The following RHBDD1 variants were observed in gnomAD, a reference collection of about 807,000 sequenced individuals.
The protein encoded by RHBDD1 is rhomboid-related protein 4.
A neutral mutation model predicts 36.3 loss-of-function variants in RHBDD1; 38 were observed. The ratio of observed to expected loss-of-function variants is 1.05; its 90% confidence interval spans 0.81 to 1.37. RHBDD1 has a LOEUF of 1.37. Among genes scored for constraint, RHBDD1 ranks in the 40% most tolerant of loss-of-function variants. RHBDD1 has a pLI of 0.00. For missense variants in RHBDD1, 393 were observed against 377.6 expected (o/e 1.04, Z -0.34); for synonymous variants, 151 against 136.5 (o/e 1.11, Z -0.74).
intron 8 of RHBDD1, among the ~76,000 whole-genome samples, chr2:226,952,183 G>A (rs1951469862): frequency 6.6e-6 from 1 of 151,934 alleles, no homozygotes; most frequent in Non-Finnish European, 1.5e-5. Flanking sequence ...CTTAGGAGAA[G>A]AGTTCCCTGA....
At chr2:226,894,953 T>C (rs1368999661) in intron 5 of RHBDD1, among the ~76,000 whole-genome samples, 1 of 152,078 alleles carries the variant, frequency 6.6e-6, no homozygotes, top group African/African-American at 2.4e-5. Flanking sequence ...GCAAAAGGAA[T>C]GGCACATACA....
chr2:226,894,706 T>C (rs1274144346), intron 5 of RHBDD1, among the ~76,000 whole-genome samples: 1 of 152,240 alleles, frequency 6.6e-6, no homozygotes, highest in Non-Finnish European at 1.5e-5. Context: ...ACAAATTTTA[T>C]TTCAAGAAGG....
At chr2:226,973,686 T>C (rs971653798) in intron 8 of RHBDD1, among the ~76,000 whole-genome samples, 1 of 152,210 alleles carries the variant, frequency 6.6e-6, no homozygotes, top group Non-Finnish European at 1.5e-5. Context: ...AGATGTTCAT[T>C]CTTGGAAGCA....
At chr2:226,914,545 G>A in intron 8 of RHBDD1, 194 bp downstream of exon 8, 1 of 516,244 alleles carries the variant, frequency 1.9e-6, no homozygotes, top group East Asian at 3.4e-5. Flanking sequence ...CTAATAAGGT[G>A]CCAGACTGTG....
At chr2:226,805,460 G>A in the RHBDD1 span, among the ~76,000 whole-genome samples, 9 of 152,118 alleles carry the variant, frequency 5.9e-5, no homozygotes, top group Non-Finnish European at 1.2e-4. Context: ...TAATCCACCC[G>A]CCTTGGCCTC....
intron 5 of RHBDD1, among the ~76,000 whole-genome samples, chr2:226,877,172 A>G (rs938745985): frequency 3.9e-5 from 6 of 152,216 alleles, no homozygotes; most frequent in East Asian, 1.9e-4. Context: ...ACCTGAAACC[A>G]TATCAGTGAA....
chr2:226,867,267 A>G lies in RHBDD1; in HGVS notation c.515A>G (p.Asn172Ser). ...FVNILGFPVP[N>S]RFACWVELVA... is the part of the protein sequence containing the mutation. ...AACATTTTGGGCTTTCCTGTACCGA[A>G]CAGATTTGCTTGTTGGGTCGAACTT... Residue 172 changes from asparagine (N) to serine (S), a missense_variant, in exon 5 of 9, where the codon AAC becomes AGC. Coordinates refer to ENST00000392062, the MANE Select transcript of RHBDD1 (RefSeq NM_001167608.3). 1 of 1,613,780 alleles carries G rather than the reference A, an allele frequency of 6.2e-7. No homozygotes were observed. Among genetic ancestry groups the G allele is most frequent in the Non-Finnish European group, 8.5e-7 (1 of 1,179,878 alleles).
At chr2:226,931,546 G>A (rs552489954) in intron 8 of RHBDD1, among the ~76,000 whole-genome samples, 1 of 152,104 alleles carries the variant, frequency 6.6e-6, no homozygotes, top group African/African-American at 2.4e-5. Context: ...TGGATACAAT[G>A]TACACTACTT....
chr2:226,879,745 A>G (rs531316318), intron 5 of RHBDD1, among the ~76,000 whole-genome samples: 2 of 152,364 alleles, frequency 1.3e-5, no homozygotes, highest in Non-Finnish European at 2.9e-5. Context: ...TTGGGAGTCC[A>G]TATAAATAAG....
At chr2:226,802,270 G>T in the RHBDD1 span, among the ~76,000 whole-genome samples, 1 of 152,146 alleles carries the variant, frequency 6.6e-6, no homozygotes, top group Non-Finnish European at 1.5e-5. Flanking sequence ...TAAAAATTAT[G>T]AAATAAGCCT....
At chr2:226,848,611 A>G (rs1410160477) in intron 3 of RHBDD1, among the ~76,000 whole-genome samples, 2 of 152,204 alleles carry the variant, frequency 1.3e-5, no homozygotes, top group Non-Finnish European at 1.5e-5. Context: ...AGGCTCATGT[A>G]AAGAATCAGC....
At chr2:226,932,113 T>G (rs900694102) in intron 8 of RHBDD1, among the ~76,000 whole-genome samples, 1 of 152,136 alleles carries the variant, frequency 6.6e-6, no homozygotes, top group African/African-American at 2.4e-5. Context: ...TTAAAAATAT[T>G]TTCTCTATCT....
chr2:226,971,018 A>G (rs1020557984), intron 8 of RHBDD1, among the ~76,000 whole-genome samples: 1 of 152,222 alleles, frequency 6.6e-6, no homozygotes, highest in African/African-American at 2.4e-5. Context: ...AGTTATAAAT[A>G]GTTGAGATGG....
Position 226,941,820 on chromosome 2 carries a change from G to A in RHBDD1, c.856+27469G>A, listed in dbSNP as rs140741501. On this transcript the variant is annotated intron_variant, in intron 8 of 8. Transcript: ENST00000392062. Reference sequence around the variant, plus strand: ...ACACAGGCACCTAGAGGAAAGCACTGTAAATATTTTGGTGAAATTCCTTCC... The same window carrying A: ...ACACAGGCACCTAGAGGAAAGCACTATAAATATTTTGGTGAAATTCCTTCC... Among the ~76,000 whole-genome samples the A allele has an allele frequency of 1.3e-3, 197 of 152,302 alleles. 1 individual carries two copies. The highest frequency in any genetic ancestry group is 4.4e-3 in the African/African-American group (183 of 41,568).
At chr2:226,815,241 T>C in the RHBDD1 span, among the ~76,000 whole-genome samples, 3 of 152,234 alleles carry the variant, frequency 2.0e-5, no homozygotes, top group Non-Finnish European at 4.4e-5. Context: ...TCATGAACTC[T>C]AATTGTTGGT....
At chr2:226,870,692 A>C (rs1014407445) in intron 5 of RHBDD1, among the ~76,000 whole-genome samples, 2 of 152,100 alleles carry the variant, frequency 1.3e-5, no homozygotes, top group African/African-American at 4.8e-5. Context: ...TAACATACAC[A>C]GTCAGGTAAC....
intron 7 of RHBDD1, among the ~76,000 whole-genome samples, chr2:226,911,022 T>C (rs1182539228): frequency 6.6e-6 from 1 of 152,184 alleles, no homozygotes; most frequent in Non-Finnish European, 1.5e-5. Context: ...TGTTTAGAGT[T>C]GTTGACTTTA....
rs1199315680 is a variant in RHBDD1 at position 226,997,697 on chromosome 2, GAC to G, written c.*2178_*2179del. On this transcript the variant is annotated 3_prime_UTR_variant, in exon 9 of 9. Coordinates refer to ENST00000392062, the MANE Select transcript of RHBDD1 (RefSeq NM_001167608.3). Reference sequence around the variant, plus strand: ...CTCTGTTTGACTTGTCAGATACAAAGACACGGGATTAGATTTTGGGTGGTAAA... The same window carrying G: ...CTCTGTTTGACTTGTCAGATACAAAGACGGGATTAGATTTTGGGTGGTAAA... 1 of 152,182 alleles carries G rather than the reference GAC, an allele frequency of 6.6e-6. No individual in the cohort carries two copies. The highest frequency in any genetic ancestry group is 2.4e-5 in the African/African-American group (1 of 41,450). 9.4% of individuals were successfully genotyped at this position (152,182 alleles called of 1,614,324 possible).
chr2:226,886,361 A>G (rs1234455665), intron 5 of RHBDD1, among the ~76,000 whole-genome samples: 1 of 152,230 alleles, frequency 6.6e-6, no homozygotes, highest in Non-Finnish European at 1.5e-5. Flanking sequence ...TAGGGACCCA[A>G]GTCCCTAAGT....
Sources: gnomAD v4.1 joint callset for allele counts (sites outside exome capture counted in the v4.1 genomes callset) on GRCh38, gnomAD v4.1.1 for gene constraint, MANE v1.5 for transcripts, NCBI Gene and HGNC (gene_info 2026-07-23, HGNC 2026-07-21) for gene names.